Variants in TAOK1 observed in about 807,000 individuals in gnomAD.
TAOK1 encodes TAO kinase 1.
In TAOK1, 21 loss-of-function variants were observed where a neutral mutation model predicts 138.3. That is an observed-to-expected ratio of 0.15 (90% CI 0.11 to 0.22). TAOK1 has a LOEUF of 0.22. TAOK1 is among the 10% of genes least tolerant of loss of function. TAOK1 has a pLI of 1.00. For synonymous variants in TAOK1, 361 were observed against 398.4 expected (o/e 0.91, Z 1.12); for missense variants, 651 against 1,227.7 (o/e 0.53, Z 7.02).
chr17:29,466,390 C>G (rs1472757629), intron 2 of TAOK1, among the ~76,000 whole-genome samples: 2 of 152,138 alleles, frequency 1.3e-5, no homozygotes, highest in Non-Finnish European at 1.5e-5. Flanking sequence ...GTGATCCACC[C>G]GCTTCACCCT....
chr17:29,511,088 T>C, intron 15 of TAOK1, 96 bp downstream of exon 15: 1 of 1,236,162 alleles, frequency 8.1e-7, no homozygotes, highest in Non-Finnish European at 1.1e-6. Flanking sequence ...AAATTATCTT[T>C]TGTTGTTTAT....
intron 15 of TAOK1, among the ~76,000 whole-genome samples, chr17:29,515,156 TA>T (rs1200235376): frequency 6.6e-6 from 1 of 152,166 alleles, no homozygotes; most frequent in African/African-American, 2.4e-5. Context: ...GTTCAGTGGT[TA>T]TTAATGCTGA....
chr17:29,450,522 T>G (rs1164464359), intron 1 of TAOK1, among the ~76,000 whole-genome samples: 1 of 152,052 alleles, frequency 6.6e-6, no homozygotes, highest in Non-Finnish European at 1.5e-5. Flanking sequence ...TTTGTTTTGT[T>G]TTGTTTTGAG....
intron 11 of TAOK1, among the ~76,000 whole-genome samples, chr17:29,496,548 C>G (rs2681175): frequency 0.21 from 29,707 of 144,208 alleles, 3,678 homozygotes; most frequent in Non-Finnish European, 0.28. Flanking sequence ...GACTGTGTCA[C>G]CAAAGAAACT....
chr17:29,494,222 A>C (rs1046968437), intron 10 of TAOK1, among the ~76,000 whole-genome samples: 2 of 152,030 alleles, frequency 1.3e-5, no homozygotes, highest in East Asian at 1.9e-4. Flanking sequence ...AATAATACTT[A>C]TGACTGTGAA....
intron 1 of TAOK1, among the ~76,000 whole-genome samples, chr17:29,429,109 G>T (rs1298488284): frequency 3.9e-5 from 6 of 152,038 alleles, no homozygotes; most frequent in African/African-American, 1.4e-4. Flanking sequence ...AGAACTTAAT[G>T]CCTTTCTAGG....
intron 1 of TAOK1, among the ~76,000 whole-genome samples, chr17:29,409,132 A>G (rs918219109): frequency 1.3e-5 from 2 of 151,910 alleles, no homozygotes; most frequent in South Asian, 4.1e-4. Context: ...TAGCTGTGAT[A>G]TTTATCTATG....
chr17:29,423,075 G>A (rs1250797766), intron 1 of TAOK1, among the ~76,000 whole-genome samples: 5 of 147,792 alleles, frequency 3.4e-5, no homozygotes, highest in Admixed American at 6.7e-5. Context: ...TTTCTTTATT[G>A]GTTTCTTTTT....
intron 18 of TAOK1, among the ~76,000 whole-genome samples, chr17:29,533,670 C>T (rs2032169859): frequency 6.6e-6 from 1 of 151,896 alleles, no homozygotes; most frequent in Non-Finnish European, 1.5e-5. Context: ...GAAACCCCGT[C>T]TCCACCAAAA....
rs186263559 is a variant in TAOK1 at position 29,497,152 on chromosome 17, C to T, written c.1000-1166C>T. On this transcript the variant is annotated intron_variant, in intron 11 of 19. Coordinates refer to ENST00000261716, the MANE Select transcript of TAOK1 (RefSeq NM_020791.4). ...TAAATATTTTGTTTCTTCTTTGCCC[C>T]GTCAGAATTCATAAAATTTTATTCT... Among the ~76,000 whole-genome samples the T allele has an allele frequency of 1.1e-4, 16 of 151,854 alleles. No homozygotes were observed. In the East Asian group the frequency reaches 1.5e-3, roughly 15 times the overall value.
intron 18 of TAOK1, among the ~76,000 whole-genome samples, chr17:29,531,268 C>CG (rs2032102253): frequency 6.6e-6 from 1 of 151,350 alleles, no homozygotes; most frequent in South Asian, 2.1e-4. Flanking sequence ...CGCCCGGCTA[C>CG]AAATTTTTTA....
chr17:29,478,419 C>A, intron 6 of TAOK1, 72 bp downstream of exon 6: 1 of 1,104,962 alleles, frequency 9.1e-7, no homozygotes, highest in South Asian at 1.8e-5. Flanking sequence ...AATTTATTAA[C>A]TCTAAAGTTT....
At chr17:29,397,710 A>AGT (rs1904692848) in intron 1 of TAOK1, among the ~76,000 whole-genome samples, 1 of 91,688 alleles carries the variant, frequency 1.1e-5, no homozygotes, top group Non-Finnish European at 2.2e-5. Flanking sequence ...TGCATACATG[A>AGT]ATATACATGT....
At chr17:29,495,755 T>C in intron 11 of TAOK1, 28 bp downstream of exon 11, 1 of 1,531,128 alleles carries the variant, frequency 6.5e-7, no homozygotes, top group Non-Finnish European at 8.8e-7. Flanking sequence ...GACTCCAATA[T>C]TGAATTTTCA....
intron 1 of TAOK1, among the ~76,000 whole-genome samples, chr17:29,412,884 G>A (rs1905180160): frequency 6.6e-6 from 1 of 152,200 alleles, no homozygotes; most frequent in South Asian, 2.1e-4. Context: ...GGAATTGCTT[G>A]TGTGAGTCTT....
intron 14 of TAOK1, among the ~76,000 whole-genome samples, 165 bp from the exon 15 acceptor site, chr17:29,510,699 G>A (rs141850407): frequency 1.3e-3 from 197 of 152,200 alleles, no homozygotes; most frequent in African/African-American, 4.6e-3. Context: ...CAAATTATAA[G>A]GATGCCAAGT....
chr17:29,457,415 T>C lies in TAOK1; in HGVS notation c.132+5735T>C, dbSNP rs2030413224. 2.1e-5 allele frequency among the ~76,000 whole-genome samples: 3 copies of C among 141,968 alleles called. 1 individual carries two copies. The South Asian group carries it at 7.0e-4, about 33-fold the overall frequency. The allele number at this position is 141,968 out of a possible 152,430, so 93.1% of individuals were successfully genotyped here. A position where few individuals can be genotyped will look rare whatever the true frequency, so the allele number is the denominator to read the frequency against. On this transcript the variant is annotated intron_variant, in intron 2 of 19. Coordinates refer to ENST00000261716, the MANE Select transcript of TAOK1 (RefSeq NM_020791.4). Reference sequence around the variant, plus strand: ...ACCACCCCAGGCCTTTTTTTTTTTTTTTTTTTTTGAGATGGAGTGTGGCTC... The same window carrying C: ...ACCACCCCAGGCCTTTTTTTTTTTTCTTTTTTTTGAGATGGAGTGTGGCTC...
At position 29,534,198 on chromosome 17, in the gene TAOK1, G is replaced by A. The variant is rs778187119; in HGVS notation, c.2442G>A (p.Ala814=). The change falls in exon 19 of 20, where the codon GCG becomes GCA. Residue 814 remains alanine (A), a synonymous_variant. Transcript: ENST00000261716. ...AGCAGGAACTGGAGCTGTTGAATGCGTATCAGAGCAAAATCAAGATGCAAG... is the reference window on the plus strand; with the variant it reads ...AGCAGGAACTGGAGCTGTTGAATGCATATCAGAGCAAAATCAAGATGCAAG... ...QLQQELELLN[A]YQSKIKMQAE... 6.8e-6 allele frequency: 11 copies of A among 1,613,480 alleles called. No homozygotes were observed. Among genetic ancestry groups the A allele is most frequent in the African/African-American group, 4.0e-5 (3 of 74,874 alleles).
At chr17:29,468,075 C>A (rs1208235169) in intron 3 of TAOK1, among the ~76,000 whole-genome samples, 4 of 149,634 alleles carry the variant, frequency 2.7e-5, no homozygotes, top group African/African-American at 9.9e-5. Context: ...GATCCACCTG[C>A]CTTGGCCTCC....
Sources: allele counts gnomAD v4.1 joint callset (sites outside exome capture counted in the v4.1 genomes callset), GRCh38; gene constraint gnomAD v4.1.1; transcripts MANE v1.5; gene names NCBI Gene and HGNC (gene_info 2026-07-23, HGNC 2026-07-21).